The following QRFP variants were observed in gnomAD, a reference collection of about 807,000 sequenced individuals.
QRFP encodes pyroglutamylated RFamide peptide.
In QRFP, 7 loss-of-function variants were observed where a neutral mutation model predicts 9.1. The observed-to-expected ratio is 0.77, with a 90% CI of 0.44 to 1.45. The LOEUF (loss-of-function observed/expected upper bound fraction) is 1.45. Among genes scored for constraint, QRFP ranks in the 40% most tolerant of loss-of-function variants. The probability of loss-of-function intolerance (pLI) is 0.01; values close to 1 mark genes in which losing one functional copy is unlikely to be tolerated. For missense variants in QRFP, 204 were observed against 185.4 expected (o/e 1.10, Z -0.58); for synonymous variants, 91 against 80.2 (o/e 1.13, Z -0.72).
intron 2 of QRFP, among the ~76,000 whole-genome samples, chr9:130,895,003 T>C (rs953981155): frequency 1.3e-5 from 2 of 152,032 alleles, no homozygotes; most frequent in Non-Finnish European, 2.9e-5. Flanking sequence ...TTTCCAGAAA[T>C]GGCTCCCTCG....
chr9:130,893,306 G>A lies in QRFP; in HGVS notation c.*122C>T, dbSNP rs1039352662. On this transcript the variant is annotated 3_prime_UTR_variant, in exon 3 of 3. Transcript: ENST00000623824. ...CACCTAACCTGTCCTACCATGGATC[G>A]TTCATCGTAACCAAGCCTACATCAT... The A allele has an allele frequency of 7.4e-5, 82 of 1,108,694 alleles. 3 individuals are homozygous for A. The highest frequency in any genetic ancestry group is 2.6e-4 in the South Asian group (16 of 60,906). 68.7% of individuals were successfully genotyped at this position (1,108,694 alleles called of 1,614,324 possible). A position where few individuals can be genotyped will look rare whatever the true frequency, so the allele number is the denominator to read the frequency against.
At chr9:130,894,419 A>G (rs1332048244) in intron 2 of QRFP, among the ~76,000 whole-genome samples, 1 of 152,178 alleles carries the variant, frequency 6.6e-6, no homozygotes, top group Non-Finnish European at 1.5e-5. Context: ...TAGGTCTGCC[A>G]GGCTCTGAGC....
At position 130,893,226 on chromosome 9, in the gene QRFP, TTTGA is replaced by T. The variant is rs1409521337; in HGVS notation, c.*198_*201del. 3.6e-5 allele frequency: 18 copies of T among 497,618 alleles called. No individual in the cohort carries two copies. Among genetic ancestry groups the T allele is most frequent in the Non-Finnish European group, 4.7e-5 (14 of 296,028 alleles). The allele number at this position is 497,618 out of a possible 1,614,324, so 30.8% of individuals were successfully genotyped here. On this transcript the variant is annotated 3_prime_UTR_variant, in exon 3 of 3. Transcript: ENST00000623824. ...ACCGAGGCTCCAAGACAGCCTCCTT[TTTGA>T]CACTGCCTAGTTTTTCGCTTCAGCA...
In QRFP at chr9:130,893,421, T is replaced by C; in HGVS notation, c.*7A>G. On this transcript the variant is annotated 3_prime_UTR_variant, in exon 3 of 3. Coordinates refer to ENST00000623824, the MANE Select transcript of QRFP (RefSeq NM_198180.3). Reference sequence around the variant, plus strand: ...AGAAGCAAATCCTTCCAAGGCGTCCTGGCCCTTCACCGCCGACCGAAGCGG... The same window carrying C: ...AGAAGCAAATCCTTCCAAGGCGTCCCGGCCCTTCACCGCCGACCGAAGCGG... 6.4e-7 allele frequency: 1 copy of C among 1,570,894 alleles called. No individual in the cohort carries two copies. Among genetic ancestry groups the C allele is most frequent in the East Asian group, 2.3e-5 (1 of 44,170 alleles).
chr9:130,896,022 G>A (rs1196751270), intron 1 of QRFP, 41 bp from the exon 2 acceptor site: 2 of 152,214 alleles, frequency 1.3e-5, no homozygotes, highest in African/African-American at 2.4e-5. Context: ...TGCAAATTGC[G>A]GGCACAGACC....
rs1178612534 is a variant in QRFP, at chr9:130,893,696, C to CG, written c.142dup (p.Arg48ProfsTer49). 1 of 1,609,572 alleles carries CG rather than the reference C, an allele frequency of 6.2e-7. No individual in the cohort carries two copies. Among genetic ancestry groups the CG allele is most frequent in the Non-Finnish European group, 8.5e-7 (1 of 1,178,022 alleles). On this transcript the variant is annotated frameshift_variant, in exon 3 of 3. Coordinates refer to ENST00000623824, the MANE Select transcript of QRFP (RefSeq NM_198180.3). LOFTEE classifies it high-confidence loss of function. ...AGAGGAACCCCACACGGAGTGGGGTCGGGGCCCCATGGCCAGGTCGGCCCA... is the reference window on the plus strand; with the variant it reads ...AGAGGAACCCCACACGGAGTGGGGTCGGGGGCCCCATGGCCAGGTCGGCCCA...
intron 1 of QRFP, among the ~76,000 whole-genome samples, chr9:130,896,214 G>A (rs112278358): frequency 0.01 from 1,594 of 152,310 alleles, 29 homozygotes; most frequent in African/African-American, 0.036. Context: ...CATGAGGCCC[G>A]TGTTTCACAG....
rs1831698021 is a variant in QRFP at position 130,892,707 on chromosome 9, T to G, written c.*721A>C. On this transcript the variant is annotated 3_prime_UTR_variant, in exon 3 of 3. Coordinates refer to ENST00000623824, the MANE Select transcript of QRFP (RefSeq NM_198180.3). Reference sequence around the variant, plus strand: ...GGGGGAGGCCAGCATTCCAGTATGGTTTTGCAGTTGTCACAACTTTTATTT... The same window carrying G: ...GGGGGAGGCCAGCATTCCAGTATGGGTTTGCAGTTGTCACAACTTTTATTT... 1 of 152,166 alleles carries G rather than the reference T, an allele frequency of 6.6e-6. No individual in the cohort carries two copies. Among genetic ancestry groups the G allele is most frequent in the Admixed American group, 6.5e-5 (1 of 15,280 alleles). 9.4% of individuals were successfully genotyped at this position (152,166 alleles called of 1,614,324 possible). A position where few individuals can be genotyped will look rare whatever the true frequency, so the allele number is the denominator to read the frequency against.
At chr9:130,895,300 G>A (rs1001952192) in intron 2 of QRFP, among the ~76,000 whole-genome samples, 3 of 152,184 alleles carry the variant, frequency 2.0e-5, no homozygotes, top group Admixed American at 1.3e-4. Flanking sequence ...AAATCCACCC[G>A]GGAGTGGCCT....
In QRFP at chr9:130,893,661, T is replaced by C. The variant is rs756953469; in HGVS notation, c.178A>G (p.Arg60Gly). The change falls in exon 3 of 3, where the codon AGA becomes GGA. Residue 60 changes from arginine (R) to glycine (G), a missense_variant. Physicochemically the swap from Arg to Gly is moderately radical, Grantham distance 125. Transcript: ENST00000623824. The part of the protein sequence containing the change: ...HSVWGSSRWL[R>G]ASQPQALLVI... ...AGCAGGGCCTGTGGCTGTGAAGCTC[T>C]CAGCCACCGAGAGGAACCCCACACG... is the stretch of plus-strand genomic sequence containing the variant. The C allele has an allele frequency of 1.3e-5, 20 of 1,599,756 alleles. No homozygotes were observed. In the African/African-American group the frequency reaches 2.3e-4, roughly 18 times the overall value.
Position 130,893,172 on chromosome 9 carries a change from A to C in QRFP, c.*256T>G, listed in dbSNP as rs2133050306. The C allele has an allele frequency of 2.8e-6, 1 of 351,716 alleles. No homozygotes were observed. The highest frequency in any genetic ancestry group is 4.9e-5 in the East Asian group (1 of 20,558). 21.8% of individuals were successfully genotyped at this position (351,716 alleles called of 1,614,324 possible). On this transcript the variant is annotated 3_prime_UTR_variant, in exon 3 of 3. Coordinates refer to ENST00000623824, the MANE Select transcript of QRFP (RefSeq NM_198180.3). ...GGGCCAGGGGGCTGCTCGGAGTCAA[A>C]GCCCCAGGGGAAGAGAGAGGCTGGG...
intron 1 of QRFP, 117 bp from the exon 2 acceptor site, chr9:130,896,098 G>A (rs1031208677): frequency 2.6e-5 from 4 of 152,190 alleles, no homozygotes; most frequent in African/African-American, 9.7e-5. Context: ...TTGCTGGGTT[G>A]GCACCTCACG....
Position 130,893,473 on chromosome 9 carries a change from G to GTAGC in QRFP, c.362_365dup (p.Tyr122Ter). The GTAGC allele has an allele frequency of 6.2e-7, 1 of 1,602,060 alleles. No homozygotes were observed. The highest frequency in any genetic ancestry group is 8.5e-7 in the Non-Finnish European group (1 of 1,172,030). ...AGCTGAAGCCGCCTTTCTTCCTGCT[G>GTAGC]TAGCCATTGAGCTCCTCAGCCAGGT... is the stretch of plus-strand genomic sequence containing the variant. On this transcript the variant is annotated stop_gained and frameshift_variant, in exon 3 of 3. Transcript: ENST00000623824. LOFTEE classifies it high-confidence loss of function.
intron 2 of QRFP, among the ~76,000 whole-genome samples, 157 bp from the exon 3 acceptor site, chr9:130,893,995 T>C (rs1831724828): frequency 6.6e-6 from 1 of 152,210 alleles, no homozygotes; most frequent in African/African-American, 2.4e-5. Flanking sequence ...GCCACTGTTT[T>C]ATTAGCAGGA....
Position 130,893,544 on chromosome 9 carries a change from C to T in QRFP, c.295G>A (p.Gly99Ser), listed in dbSNP as rs568839534. Reference sequence around the variant, plus strand: ...TTCTCCCCCGCAGCAGGGAGGAAGCCGGTGGCCTCACTGCCTTCGTCCTGC... The same window carrying T: ...TTCTCCCCCGCAGCAGGGAGGAAGCTGGTGGCCTCACTGCCTTCGTCCTGC... Reference protein sequence around the residue: ...GRQDEGSEATGFLPAAGEKTS... With the variant: ...GRQDEGSEATSFLPAAGEKTS... Residue 99 changes from glycine (G) to serine (S), a missense_variant, in exon 3 of 3, where the codon GGC becomes AGC. Transcript: ENST00000623824. 95 of 1,612,824 alleles carry T rather than the reference C, an allele frequency of 5.9e-5. No homozygotes were observed. The East Asian group carries it at 6.2e-4, about 11-fold the overall frequency.
rs1354238156 is a variant in QRFP at position 130,895,957 on chromosome 9, C to T, written c.-261G>A. 2 of 152,266 alleles carry T rather than the reference C, an allele frequency of 1.3e-5. No individual in the cohort carries two copies. Among genetic ancestry groups the T allele is most frequent in the African/African-American group, 4.8e-5 (2 of 41,446 alleles). 9.4% of individuals were successfully genotyped at this position (152,266 alleles called of 1,614,324 possible). A position where few individuals can be genotyped will look rare whatever the true frequency, so the allele number is the denominator to read the frequency against. ...AAAACAACCTCACACAGGATGTAGT[C>T]TGATGAGAGGGCAGGCGGGCTGCCC... On this transcript the variant is annotated 5_prime_UTR_variant, in exon 2 of 3. Transcript: ENST00000623824.
chr9:130,895,864 C>T lies in QRFP; in HGVS notation c.-168G>A, dbSNP rs1281801234. ...GCTGCTCTGCCGACTGCCTGCTGCG[C>T]ATTCCTGACCCTGGGATTCCATTGG... On this transcript the variant is annotated 5_prime_UTR_variant, in exon 2 of 3. The change abolishes an upstream ATG in the 5' untranslated region. Coordinates refer to ENST00000623824, the MANE Select transcript of QRFP (RefSeq NM_198180.3). The T allele has an allele frequency of 3.3e-5, 5 of 152,598 alleles. No individual in the cohort carries two copies. The highest frequency in any genetic ancestry group is 9.6e-5 in the African/African-American group (4 of 41,466). 9.5% of individuals were successfully genotyped at this position (152,598 alleles called of 1,614,324 possible).
chr9:130,893,172 A>AGCCCCCTG lies in QRFP; in HGVS notation c.*255_*256insCAGGGGGC. 1 of 351,714 alleles carries AGCCCCCTG rather than the reference A, an allele frequency of 2.8e-6. No individual in the cohort carries two copies. The highest frequency in any genetic ancestry group is 5.1e-6 in the Non-Finnish European group (1 of 195,940). 21.8% of individuals were successfully genotyped at this position (351,714 alleles called of 1,614,324 possible). ...GGGCCAGGGGGCTGCTCGGAGTCAAAGCCCCAGGGGAAGAGAGAGGCTGGG... is the reference window on the plus strand; with the variant it reads ...GGGCCAGGGGGCTGCTCGGAGTCAAAGCCCCCTGGCCCCAGGGGAAGAGAGAGGCTGGG... On this transcript the variant is annotated 3_prime_UTR_variant, in exon 3 of 3. Transcript: ENST00000623824.
At chr9:130,896,455 C>T (rs887709550) in intron 1 of QRFP, 122 bp downstream of exon 1, 5 of 152,426 alleles carry the variant, frequency 3.3e-5, no homozygotes, top group African/African-American at 4.8e-5. Flanking sequence ...CCTTGCCCGG[C>T]AGAGATTCTC....
Sources: gnomAD v4.1 joint callset for allele counts (sites outside exome capture counted in the v4.1 genomes callset) on GRCh38, gnomAD v4.1.1 for gene constraint, MANE v1.5 for transcripts, NCBI Gene and HGNC (gene_info 2026-07-23, HGNC 2026-07-21) for gene names.